CLTRN: variants seen among roughly 807,000 people sequenced by gnomAD.
CLTRN encodes collectrin.
A neutral mutation model predicts 14.5 loss-of-function variants in CLTRN; 12 were observed. The observed-to-expected ratio is 0.83, with a 90% CI of 0.53 to 1.34. The LOEUF is 1.34. Ranked by LOEUF, CLTRN falls within the 40% of genes most tolerant of loss-of-function variation. CLTRN has a pLI of 0.00. For missense variants in CLTRN, 154 were observed against 165.1 expected (o/e 0.93, Z 0.37); for synonymous variants, 58 against 56.5 (o/e 1.03, Z -0.12).
At chrX:15,665,814 T>C (rs1036226547), upstream of CLTRN, among the ~76,000 whole-genome samples, 1 of 112,271 alleles carries the variant, frequency 8.9e-6, no homozygotes, top group African/African-American at 3.2e-5. Flanking sequence ...ACTTCACAAT[T>C]GTTATCATCA....
At position 15,664,321 on chromosome X, in the gene CLTRN, C is replaced by G. The variant is rs777338981; in HGVS notation, c.117+16G>C. On this transcript the variant is annotated intron_variant, in intron 2 of 5. Transcript: ENST00000380342. Reference sequence around the variant, plus strand: ...GCAAACAAAATTTAAAAAGAACACTCAGGTGCTCCACTTACTGCTTTATCT... The same window carrying G: ...GCAAACAAAATTTAAAAAGAACACTGAGGTGCTCCACTTACTGCTTTATCT... 1.0e-5 allele frequency: 12 copies of G among 1,172,511 alleles called. No individual in the cohort carries two copies. Among genetic ancestry groups the G allele is most frequent in the Non-Finnish European group, 1.4e-5 (12 of 870,039 alleles).
chrX:15,668,378 A>G (rs993240284), upstream of CLTRN, among the ~76,000 whole-genome samples: 1 of 112,468 alleles, frequency 8.9e-6, no homozygotes, highest in Non-Finnish European at 1.9e-5. Context: ...TACGAGCATT[A>G]TATTTGTAAT....
rs781550818 is a variant in CLTRN, at chrX:15,648,767, C to T, written c.204-3738G>A. ...TGGAGGTTGCAGTGAGCTGAGATCGCGCCACTGCACTGCAGCCTGGGCAAC... is the reference window on the plus strand; with the variant it reads ...TGGAGGTTGCAGTGAGCTGAGATCGTGCCACTGCACTGCAGCCTGGGCAAC... On this transcript the variant is annotated intron_variant, in intron 3 of 5. Coordinates refer to ENST00000380342, the MANE Select transcript of CLTRN (RefSeq NM_020665.6). 6.4e-5 allele frequency among the ~76,000 whole-genome samples: 7 copies of T among 108,887 alleles called. No homozygotes were observed. In the East Asian group the frequency reaches 1.2e-3, roughly 18 times the overall value. The allele number at this position is 108,887 out of a possible 115,157, so 94.6% of individuals were successfully genotyped here.
exon 1 of CLTRN, chrX:15,675,001 G>T (rs1272746533): frequency 8.8e-6 from 1 of 113,005 alleles, no homozygotes; most frequent in Non-Finnish European, 1.9e-5. Context: ...GAGGGGTCTT[G>T]CCTGTTCCGA....
At chrX:15,648,501 T>C (rs6632691) in intron 3 of CLTRN, among the ~76,000 whole-genome samples, 31,096 of 110,111 alleles carry the variant, frequency 0.28, 3,627 homozygotes, top group East Asian at 0.52. Flanking sequence ...GCTAGAGCTA[T>C]ATAATTTTTT....
chrX:15,669,752 T>C (rs1390933121), upstream of CLTRN, among the ~76,000 whole-genome samples: 1 of 112,166 alleles, frequency 8.9e-6, no homozygotes, highest in African/African-American at 3.2e-5. Context: ...AGATGACCAA[T>C]GTTTCTTTTA....
At chrX:15,645,370 C>A (rs768439422) in intron 3 of CLTRN, among the ~76,000 whole-genome samples, 1 of 110,924 alleles carries the variant, frequency 9.0e-6, no homozygotes, top group Non-Finnish European at 1.9e-5. Flanking sequence ...CCACAGAAAC[C>A]TTTGGTATTT....
chrX:15,635,031 T>C (rs1461016265), intron 5 of CLTRN, among the ~76,000 whole-genome samples: 1 of 111,737 alleles, frequency 8.9e-6, no homozygotes, highest in Non-Finnish European at 1.9e-5. Context: ...CACAAACTGC[T>C]ATTCTCATCT....
intron 3 of CLTRN, chrX:15,646,253 G>A (rs1244070195): frequency 2.9e-5 from 7 of 237,288 alleles, no homozygotes; most frequent in Admixed American, 5.5e-5. Flanking sequence ...GACCGTACCC[G>A]GCACATGGCG....
chrX:15,655,246 T>C (rs185739650), intron 3 of CLTRN, among the ~76,000 whole-genome samples: 1 of 112,139 alleles, frequency 8.9e-6, no homozygotes, highest in East Asian at 2.8e-4. Context: ...GGGCGTGAGA[T>C]AGATAAGGAA....
intron 3 of CLTRN, chrX:15,646,458 A>ACCCACCCCCCCCC: frequency 1.3e-5 from 3 of 228,786 alleles, no homozygotes; most frequent in Non-Finnish European, 8.0e-6. Flanking sequence ...AAAACCGCGC[A>ACCCACCCCCCCCC]CCCACCCCCC....
intron 5 of CLTRN, among the ~76,000 whole-genome samples, chrX:15,634,902 G>A (rs1215907880): frequency 2.8e-5 from 3 of 106,762 alleles, no homozygotes; most frequent in African/African-American, 1.0e-4. Context: ...CCTGCACAAT[G>A]TGCACATGTA....
chrX:15,658,741 C>G (rs5936005), intron 3 of CLTRN, among the ~76,000 whole-genome samples: 1 of 107,299 alleles, frequency 9.3e-6, no homozygotes, highest in African/African-American at 3.4e-5. Flanking sequence ...TATACACACA[C>G]ACACACAATA....
intron 3 of CLTRN, among the ~76,000 whole-genome samples, chrX:15,653,067 C>T (rs774475798): frequency 3.6e-5 from 4 of 110,589 alleles, no homozygotes; most frequent in Admixed American, 1.9e-4. Context: ...GGTGACAGAG[C>T]GAGACTCCAT....
rs974919295 is a variant in CLTRN, at chrX:15,650,508, T to C, written c.204-5479A>G. Among the ~76,000 whole-genome samples, 4 of 112,197 alleles carry C rather than the reference T, an allele frequency of 3.6e-5. No individual in the cohort carries two copies. In the Admixed American group the frequency reaches 3.8e-4, roughly 11 times the overall value. On this transcript the variant is annotated intron_variant, in intron 3 of 5. Coordinates refer to ENST00000380342, the MANE Select transcript of CLTRN (RefSeq NM_020665.6). The stretch of plus-strand genomic sequence containing the variant: ...AGTTACCTGAATTTTTTAAAAATTC[T>C]TTGTTATACATTCAGATGTAAAATT...
rs1236131525 is a variant in CLTRN, at chrX:15,653,068, G to T, written c.203+5948C>A. Among the ~76,000 whole-genome samples, 4 of 111,151 alleles carry T rather than the reference G, an allele frequency of 3.6e-5. No homozygotes were observed. In the East Asian group the frequency reaches 1.1e-3, roughly 31 times the overall value. On this transcript the variant is annotated intron_variant, in intron 3 of 5. Coordinates refer to ENST00000380342, the MANE Select transcript of CLTRN (RefSeq NM_020665.6). ...TGCACTCCACCCTGGGTGACAGAGC[G>T]AGACTCCATCTCAAAAAAAAACAAA... is the stretch of plus-strand genomic sequence containing the variant.
rs376193276 is a variant in CLTRN at position 15,639,573 on chromosome X, C to T, written c.501G>A (p.Trp167Ter). Residue 167 changes from tryptophan (W) to a stop codon, truncating the protein, a stop_gained, in exon 5 of 6, where the codon TGG (tryptophan) becomes TGA (stop). Transcript: ENST00000380342. LOFTEE classifies it high-confidence loss of function. ...AIALLILSGI[W>*]QRRRKNKEPS... ...TTTAAATATCTTACCTTCTACGTTGCCAGATCCCTGATAAAATCAGTAGTG... is the reference window on the plus strand; with the variant it reads ...TTTAAATATCTTACCTTCTACGTTGTCAGATCCCTGATAAAATCAGTAGTG... 8.3e-7 allele frequency: 1 copy of T among 1,203,994 alleles called. No homozygotes were observed. The highest frequency in any genetic ancestry group is 1.1e-6 in the Non-Finnish European group (1 of 891,482).
At chrX:15,672,426 A>G (rs758040881) in intron 1 of CLTRN, among the ~76,000 whole-genome samples, 130 of 106,191 alleles carry the variant, frequency 1.2e-3, no homozygotes, top group African/African-American at 4.4e-3. Flanking sequence ...TCCATCCTTA[A>G]TCATCAATTT....
chrX:15,660,511 T>C (rs1182882620), intron 2 of CLTRN, among the ~76,000 whole-genome samples: 4 of 109,434 alleles, frequency 3.7e-5, no homozygotes, highest in African/African-American at 1.3e-4. Flanking sequence ...GATGTTACCA[T>C]AAAGAACAGA....
Sources: gnomAD v4.1 joint callset for allele counts (sites outside exome capture counted in the v4.1 genomes callset) on GRCh38, gnomAD v4.1.1 for gene constraint, MANE v1.5 for transcripts, NCBI Gene and HGNC (gene_info 2026-07-23, HGNC 2026-07-21) for gene names.